APPL2: variants seen among roughly 807,000 people sequenced by gnomAD.
APPL2 encodes DCC-interacting protein 13-beta.
A neutral mutation model predicts 92.7 loss-of-function variants in APPL2; 84 were observed. That is an observed-to-expected ratio of 0.91 (90% CI 0.76 to 1.09). The LOEUF is 1.09. Among genes scored for constraint, APPL2 ranks in the 50% least tolerant of loss-of-function variants. APPL2 has a pLI of 0.00. For synonymous variants in APPL2, 291 were observed against 291.0 expected (o/e 1.00, Z 0.00); for missense variants, 736 against 824.5 (o/e 0.89, Z 1.31).
intron 17 of APPL2, among the ~76,000 whole-genome samples, chr12:105,181,924 C>G (rs1221758735): frequency 6.6e-6 from 1 of 152,160 alleles, no homozygotes; most frequent in Non-Finnish European, 1.5e-5. Context: ...CTCCTGGATT[C>G]ATTGATTTTT....
At chr12:105,176,553 T>C (rs1387515752) in intron 19 of APPL2, among the ~76,000 whole-genome samples, 1 of 152,260 alleles carries the variant, frequency 6.6e-6, no homozygotes, top group Non-Finnish European at 1.5e-5. Context: ...TTATTCTCTA[T>C]TGTAGCTTTT....
At position 105,195,308 on chromosome 12, in the gene APPL2, C is replaced by A; in HGVS notation, c.1194G>T (p.Val398=). Residue 398 remains valine (V), a synonymous_variant, in exon 14 of 21, where the codon GTG becomes GTT. Transcript: ENST00000258530. ...IKLNQTALQA[V]TPITSFGKKQ... is the part of the protein sequence containing the mutation. ...TTTTTCCAAAACTTGTAATGGGAGT[C>A]ACTGCTTGCAGAGCGGTCTGATTCA... 1 of 1,614,138 alleles carries A rather than the reference C, an allele frequency of 6.2e-7. No homozygotes were observed. Among genetic ancestry groups the A allele is most frequent in the South Asian group, 1.1e-5 (1 of 91,072 alleles).
At chr12:105,223,194 G>C (rs1440290206) in intron 2 of APPL2, among the ~76,000 whole-genome samples, 3 of 152,212 alleles carry the variant, frequency 2.0e-5, no homozygotes, top group Non-Finnish European at 4.4e-5. Context: ...AATGAAAAGG[G>C]GAAGACGTCT....
intron 9 of APPL2, among the ~76,000 whole-genome samples, chr12:105,203,093 C>T (rs1403144764): frequency 6.6e-6 from 1 of 151,748 alleles, no homozygotes; most frequent in Non-Finnish European, 1.5e-5. Flanking sequence ...CAGAACTCGT[C>T]GCAAGCGCTT....
chr12:105,229,286 G>T, intron 1 of APPL2, 63 bp from the exon 2 acceptor site: 1 of 1,442,790 alleles, frequency 6.9e-7, no homozygotes, highest in Admixed American at 2.0e-5. Context: ...AGAGGAGGAG[G>T]AAGATCCACA....
intron 19 of APPL2, 133 bp downstream of exon 19, chr12:105,176,743 G>A: frequency 8.6e-7 from 1 of 1,156,750 alleles, no homozygotes; most frequent in Non-Finnish European, 1.2e-6. Context: ...TTCTTAGGAG[G>A]TATTATCTGA....
intron 8 of APPL2, among the ~76,000 whole-genome samples, chr12:105,205,443 T>C (rs1888617067): frequency 6.6e-6 from 1 of 152,150 alleles, no homozygotes; most frequent in Non-Finnish European, 1.5e-5. Flanking sequence ...TACCCACAGC[T>C]CCTCTTCTCC....
chr12:105,233,828 A>G (rs1258055182), intron 1 of APPL2, among the ~76,000 whole-genome samples: 1 of 152,212 alleles, frequency 6.6e-6, no homozygotes, highest in Admixed American at 6.5e-5. Flanking sequence ...GACTATTGGG[A>G]GGATTGAGTG....
At chr12:105,179,160 C>T (rs1430216692) in intron 17 of APPL2, among the ~76,000 whole-genome samples, 6 of 152,134 alleles carry the variant, frequency 3.9e-5, no homozygotes, top group Non-Finnish European at 4.4e-5. Flanking sequence ...CAACAGGCCC[C>T]AGTGTGTGAT....
At chr12:105,201,780 G>A (rs533634025) in intron 9 of APPL2, among the ~76,000 whole-genome samples, 51 of 152,260 alleles carry the variant, frequency 3.3e-4, no homozygotes, top group Middle Eastern at 3.4e-3. Context: ...ATGAGCCGCA[G>A]AAAGGTAGAA....
In APPL2 at chr12:105,201,929, C is replaced by T. The variant is rs931921942; in HGVS notation, c.704+1774G>A. 3.3e-5 allele frequency among the ~76,000 whole-genome samples: 5 copies of T among 152,222 alleles called. No homozygotes were observed. In the South Asian group the frequency reaches 6.2e-4, roughly 19 times the overall value. On this transcript the variant is annotated intron_variant, in intron 9 of 20. Coordinates refer to ENST00000258530, the MANE Select transcript of APPL2 (RefSeq NM_018171.5). The stretch of plus-strand genomic sequence containing the variant: ...ACAGAGCACCTGTGGCATCATCCCC[C>T]GGGGAAGGGCTGCACAGCTTCAGGG...
intron 8 of APPL2, among the ~76,000 whole-genome samples, chr12:105,204,029 AT>A (rs1273259217): frequency 1.3e-5 from 2 of 152,174 alleles, no homozygotes; most frequent in Non-Finnish European, 2.9e-5. Context: ...CCTGTCTAAT[AT>A]TCACTTCCCA....
At position 105,236,032 on chromosome 12, in the gene APPL2, G is replaced by A. The variant is rs1021020122; in HGVS notation, c.-20C>T. 1.6e-6 allele frequency: 2 copies of A among 1,240,426 alleles called. No individual in the cohort carries two copies. Among genetic ancestry groups the A allele is most frequent in the African/African-American group, 1.6e-5 (1 of 63,682 alleles). 76.8% of individuals were successfully genotyped at this position (1,240,426 alleles called of 1,614,324 possible). On this transcript the variant is annotated 5_prime_UTR_variant, in exon 1 of 21. Transcript: ENST00000258530. ...GGGCATGGTGCGGCGCGGCTCAGCC[G>A]AGGGCTGGGTTGGAAGGACAGAGGG...
chr12:105,208,358 T>C lies in APPL2; in HGVS notation c.374-159A>G, dbSNP rs540115678. On this transcript the variant is annotated intron_variant, in intron 5 of 20. Transcript: ENST00000258530. ...ACAGGCTGGCCCAGAGGCTGGGACC[T>C]GGGCTCACTGGAACATACGGCTTCA... is the stretch of plus-strand genomic sequence containing the variant. Among the ~76,000 whole-genome samples, 3 of 152,306 alleles carry C rather than the reference T, an allele frequency of 2.0e-5. No individual in the cohort carries two copies. The East Asian group carries it at 5.8e-4, about 29-fold the overall frequency.
chr12:105,231,857 T>C (rs950926638), intron 1 of APPL2, among the ~76,000 whole-genome samples: 3 of 152,208 alleles, frequency 2.0e-5, no homozygotes, highest in Admixed American at 1.3e-4. Context: ...ACCAGCTACC[T>C]TGGACACTGG....
intron 1 of APPL2, among the ~76,000 whole-genome samples, chr12:105,230,400 C>T (rs930831513): frequency 1.2e-4 from 18 of 152,156 alleles, no homozygotes; most frequent in African/African-American, 3.9e-4. Flanking sequence ...AAGGGATTTT[C>T]GTTAATGTGC....
At chr12:105,204,157 A>G (rs901077231) in intron 8 of APPL2, among the ~76,000 whole-genome samples, 1 of 152,190 alleles carries the variant, frequency 6.6e-6, no homozygotes, top group Non-Finnish European at 1.5e-5. Flanking sequence ...TCCAGTTTGC[A>G]TTCTTCTACA....
intron 8 of APPL2, chr12:105,206,780 C>A: frequency 3.5e-6 from 1 of 286,354 alleles, no homozygotes; most frequent in Non-Finnish European, 6.5e-6. Flanking sequence ...GGCTTTCATT[C>A]GGATTAGAAA....
intron 17 of APPL2, among the ~76,000 whole-genome samples, chr12:105,184,870 C>T (rs1172818396): frequency 1.3e-5 from 2 of 152,142 alleles, no homozygotes; most frequent in African/African-American, 4.8e-5. Context: ...CCCCTTCCCC[C>T]AGGTGCTCTG....
Sources: gnomAD v4.1 joint callset for allele counts (sites outside exome capture counted in the v4.1 genomes callset) on GRCh38, gnomAD v4.1.1 for gene constraint, MANE v1.5 for transcripts, NCBI Gene and HGNC (gene_info 2026-07-23, HGNC 2026-07-21) for gene names.